The following TMEM178B variants were observed in gnomAD, a reference collection of about 807,000 sequenced individuals.
TMEM178B encodes transmembrane protein 178B.
TMEM178B carries 5 observed loss-of-function variants against 31.0 expected under a neutral mutation model. That is an observed-to-expected ratio of 0.16 (90% CI 0.08 to 0.34). TMEM178B has a LOEUF of 0.34. Among genes scored for constraint, TMEM178B ranks in the 10% least tolerant of loss-of-function variants. TMEM178B has a pLI of 1.00. For synonymous variants in TMEM178B, 164 were observed against 164.0 expected, an observed-to-expected ratio of 1.00 and a Z score of 0.00; for missense variants, 275 against 400.3, an observed-to-expected ratio of 0.69 and a Z score of 2.67.
At chr7:141,493,408 T>C in the TMEM178B span, among the ~76,000 whole-genome samples, 2 of 152,220 alleles carry the variant, frequency 1.3e-5, no homozygotes, top group African/African-American at 2.4e-5. Context: ...TTGAGGACTG[T>C]TGACTTCACA....
Position 141,226,876 on chromosome 7 carries a change from AAAAAG to A in TMEM178B, c.496+14177_496+14181del, listed in dbSNP as rs1195105074. Reference sequence around the variant, plus strand: ...ACCACTCTGAAAAAAAAAAAAAAAGAAAAAGAAAAAAGTAATTACTAGTTCCGTTT... The same window carrying A: ...ACCACTCTGAAAAAAAAAAAAAAAGAAAAAAAGTAATTACTAGTTCCGTTT... On this transcript the variant is annotated intron_variant, in intron 2 of 3. Coordinates refer to ENST00000565468, the MANE Select transcript of TMEM178B (RefSeq NM_001195278.2). Among the ~76,000 whole-genome samples the A allele has an allele frequency of 1.2e-3, 9 of 7,464 alleles. No homozygotes were observed. In the East Asian group the frequency reaches 0.015, roughly 12 times the overall value. The allele number at this position is 7,464 out of a possible 152,430, so 4.9% of individuals were successfully genotyped here.
At chr7:141,257,435 A>C (rs1172306756) in intron 2 of TMEM178B, among the ~76,000 whole-genome samples, 2 of 152,258 alleles carry the variant, frequency 1.3e-5, no homozygotes, top group Non-Finnish European at 2.9e-5. Flanking sequence ...CTGAATACTC[A>C]AATTCAAGTT....
intron 2 of TMEM178B, among the ~76,000 whole-genome samples, chr7:141,231,112 G>A (rs1456819756): frequency 6.6e-6 from 1 of 152,178 alleles, no homozygotes; most frequent in Non-Finnish European, 1.5e-5. Context: ...CTCTCTTGAA[G>A]TTCTTTTACA....
intron 1 of TMEM178B, among the ~76,000 whole-genome samples, chr7:141,135,437 C>T (rs1199709277): frequency 1.3e-5 from 2 of 152,196 alleles, no homozygotes; most frequent in Non-Finnish European, 2.9e-5. Context: ...ACATTCTTCT[C>T]ATCAGTACAT....
At chr7:141,222,908 A>G (rs1406895048) in intron 2 of TMEM178B, among the ~76,000 whole-genome samples, 1 of 152,244 alleles carries the variant, frequency 6.6e-6, no homozygotes, top group East Asian at 1.9e-4. Flanking sequence ...GCAGCAGCAG[A>G]AGCAGCTCTT....
chr7:141,194,300 A>G (rs1796744497), intron 1 of TMEM178B, among the ~76,000 whole-genome samples: 1 of 152,224 alleles, frequency 6.6e-6, no homozygotes, highest in African/African-American at 2.4e-5. Context: ...TCTTCTGCCT[A>G]TGAGCCTGTA....
chr7:141,118,572 G>T (rs774491519), intron 1 of TMEM178B, among the ~76,000 whole-genome samples: 4 of 152,218 alleles, frequency 2.6e-5, no homozygotes, highest in Non-Finnish European at 5.9e-5. Context: ...TCACGGATCT[G>T]TGACCCCAGG....
At position 141,478,840 on chromosome 7, in the gene TMEM178B, T is replaced by TGGGGG. The variant is rs60100890; in HGVS notation, c.*8058_*8062dup. On this transcript the variant is annotated 3_prime_UTR_variant, in exon 4 of 4. Coordinates refer to ENST00000565468, the MANE Select transcript of TMEM178B (RefSeq NM_001195278.2). ...CTTAGGTTCTTCATTAGGAGACTGA[T>TGGGGG]GGGGGGGGTCCTTCCTGGTGGGTCA... 3.3e-5 allele frequency: 5 copies of TGGGGG among 151,806 alleles called. No individual in the cohort carries two copies. Among genetic ancestry groups the TGGGGG allele is most frequent in the African/African-American group, 1.2e-4 (5 of 41,080 alleles). The allele number at this position is 151,806 out of a possible 1,614,324, so 9.4% of individuals were successfully genotyped here.
chr7:141,299,301 C>T (rs2116437890), intron 2 of TMEM178B, among the ~76,000 whole-genome samples: 1 of 152,274 alleles, frequency 6.6e-6, no homozygotes, highest in East Asian at 1.9e-4. Flanking sequence ...CTCAGCCTCC[C>T]AAGTAGCTGG....
chr7:141,144,158 G>A (rs944498042), intron 1 of TMEM178B, among the ~76,000 whole-genome samples: 4 of 152,056 alleles, frequency 2.6e-5, no homozygotes, highest in South Asian at 2.1e-4. Context: ...GAATCATAGC[G>A]TCAGTAAAGA....
At chr7:141,165,034 CAG>C (rs763634828) in intron 1 of TMEM178B, among the ~76,000 whole-genome samples, 3 of 152,146 alleles carry the variant, frequency 2.0e-5, no homozygotes, top group Non-Finnish European at 1.5e-5. Context: ...AAAAATAGTA[CAG>C]AGAGTTTCCG....
At chr7:141,079,294 A>T (rs1794647187) in intron 1 of TMEM178B, among the ~76,000 whole-genome samples, 1 of 152,156 alleles carries the variant, frequency 6.6e-6, no homozygotes, top group Non-Finnish European at 1.5e-5. Flanking sequence ...CTCAAAAAAC[A>T]AACAAACAAA....
intron 2 of TMEM178B, among the ~76,000 whole-genome samples, chr7:141,235,416 C>T (rs971106716): frequency 6.6e-6 from 1 of 152,122 alleles, no homozygotes; most frequent in Non-Finnish European, 1.5e-5. Context: ...ACTGCATATA[C>T]TCTAAGCCCA....
At position 141,461,025 on chromosome 7, in the gene TMEM178B, G is replaced by A. The variant is rs182023241; in HGVS notation, c.635-9511G>A. Among the ~76,000 whole-genome samples the A allele has an allele frequency of 1.3e-5, 2 of 152,330 alleles. No individual in the cohort carries two copies. The highest frequency in any genetic ancestry group is 4.8e-5 in the African/African-American group (2 of 41,578). On this transcript the variant is annotated intron_variant, in intron 3 of 3. Transcript: ENST00000565468. This position sits in a 1 kb window ranked among gnomAD's most constrained non-coding sequence, Gnocchi z 4.0. The stretch of plus-strand genomic sequence containing the variant: ...CTGAACAAAGCTGTAAAATGCTCTC[G>A]AGAGCTAAATGCGGCTGAAGCATTT...
intron 1 of TMEM178B, among the ~76,000 whole-genome samples, chr7:141,192,562 C>T (rs536491017): frequency 6.6e-5 from 10 of 151,416 alleles, no homozygotes; most frequent in Admixed American, 5.3e-4. Context: ...GATCTTGGCT[C>T]GTTGCCAAGC....
chr7:141,254,847 C>G (rs1586852830), intron 2 of TMEM178B, among the ~76,000 whole-genome samples: 1 of 152,220 alleles, frequency 6.6e-6, no homozygotes. Context: ...AAAGGTGACC[C>G]CCATTTTAAC....
chr7:141,432,568 T>C lies in TMEM178B; in HGVS notation c.497-5040T>C, dbSNP rs956080870. On this transcript the variant is annotated intron_variant, in intron 2 of 3. Transcript: ENST00000565468. ...ATAAGTTAGAATTGAGTATATAAGT[T>C]TCATAGATTTTGGTCCCATTATTTT... Among the ~76,000 whole-genome samples, 6 of 152,330 alleles carry C rather than the reference T, an allele frequency of 3.9e-5. No homozygotes were observed. In the East Asian group the frequency reaches 1.2e-3, roughly 29 times the overall value.
At chr7:141,496,561 T>C in the TMEM178B span, among the ~76,000 whole-genome samples, 195 of 140,336 alleles carry the variant, frequency 1.4e-3, no homozygotes, top group Middle Eastern at 0.01. Context: ...TCCCAGCTAC[T>C]TGGGAGGCTG....
chr7:141,432,146 C>CTTTTTTTTTTTTTTTTTTTTTTTT lies in TMEM178B; in HGVS notation c.497-5457_497-5434dup, dbSNP rs71170797. Among the ~76,000 whole-genome samples the CTTTTTTTTTTTTTTTTTTTTTTTT allele has an allele frequency of 1.0e-4, 8 of 79,080 alleles. 1 individual carries two copies. Among genetic ancestry groups the CTTTTTTTTTTTTTTTTTTTTTTTT allele is most frequent in the African/African-American group, 1.5e-4 (3 of 19,636 alleles). The allele number at this position is 79,080 out of a possible 152,430, so 51.9% of individuals were successfully genotyped here. Reference sequence around the variant, plus strand: ...TTTCTTTTTCTCTCCTTCACTGCATCTTTTTTTTTTTTTTTTTTTTTTTTT... The same window carrying CTTTTTTTTTTTTTTTTTTTTTTTT: ...TTTCTTTTTCTCTCCTTCACTGCATCTTTTTTTTTTTTTTTTTTTTTTTTTTTTTTTTTTTTTTTTTTTTTTTTT... On this transcript the variant is annotated intron_variant, in intron 2 of 3. Coordinates refer to ENST00000565468, the MANE Select transcript of TMEM178B (RefSeq NM_001195278.2).
Sources: gnomAD v4.1 joint callset for allele counts (sites outside exome capture counted in the v4.1 genomes callset) on GRCh38, gnomAD v4.1.1 for gene constraint, Gnocchi (gnomAD v3.1) non-coding constraint, MANE v1.5 for transcripts, NCBI Gene and HGNC (gene_info 2026-07-23, HGNC 2026-07-21) for gene names.